HIPK2: variants seen among roughly 807,000 people sequenced by gnomAD.
HIPK2 encodes the protein homeodomain interacting protein kinase 2.
HIPK2 carries 27 observed loss-of-function variants against 113.7 expected under a neutral mutation model. The observed-to-expected ratio is 0.24, with a 90% CI of 0.17 to 0.33. The LOEUF (loss-of-function observed/expected upper bound fraction) is 0.33. HIPK2 is among the 10% of genes least tolerant of loss of function. HIPK2 has a pLI of 1.00. For missense variants in HIPK2, 1,257 were observed against 1,588.0 expected (o/e 0.79, Z 3.54); for synonymous variants, 631 against 642.2 (o/e 0.98, Z 0.26).
intron 1 of HIPK2, among the ~76,000 whole-genome samples, chr7:139,759,943 TAGAG>T (rs1181177845): frequency 6.6e-6 from 1 of 152,084 alleles, no homozygotes; most frequent in African/African-American, 2.4e-5. Flanking sequence ...AAAAGAAATG[TAGAG>T]AGAATGATTT....
intron 5 of HIPK2, among the ~76,000 whole-genome samples, chr7:139,627,599 C>G (rs1261597746): frequency 1.3e-5 from 2 of 152,122 alleles, no homozygotes; most frequent in Non-Finnish European, 2.9e-5. Context: ...GTCTGGAAAC[C>G]AATTTCAGTT....
In HIPK2 at chr7:139,567,987, TCTC is replaced by T. The variant is rs1798145083; in HGVS notation, c.*4937_*4939del. The T allele has an allele frequency of 6.6e-6, 1 of 152,214 alleles. No homozygotes were observed. Among genetic ancestry groups the T allele is most frequent in the Non-Finnish European group, 1.5e-5 (1 of 68,136 alleles). 9.4% of individuals were successfully genotyped at this position (152,214 alleles called of 1,614,324 possible). A position where few individuals can be genotyped will look rare whatever the true frequency, so the allele number is the denominator to read the frequency against. The stretch of plus-strand genomic sequence containing the variant: ...AGTAATACTTCCCGAAGCCTCCTCA[TCTC>T]CTCCCTCCAGTTTCCAAGAAAGTTT... On this transcript the variant is annotated 3_prime_UTR_variant, in exon 15 of 15. Transcript: ENST00000406875.
At chr7:139,738,676 T>G (rs1162020854) in intron 1 of HIPK2, among the ~76,000 whole-genome samples, 1 of 152,084 alleles carries the variant, frequency 6.6e-6, no homozygotes, top group Non-Finnish European at 1.5e-5. Flanking sequence ...TGGGGTGAAG[T>G]GATAACAGGA....
intron 2 of HIPK2, among the ~76,000 whole-genome samples, chr7:139,674,546 G>A (rs1475624211): frequency 1.2e-5 from 1 of 83,766 alleles, no homozygotes. Flanking sequence ...ATGGGAAGCA[G>A]ACAGGCTACG....
chr7:139,717,071 C>T, intron 1 of HIPK2, 56 bp from the exon 2 acceptor site: 2 of 1,545,454 alleles, frequency 1.3e-6, no homozygotes, highest in Non-Finnish European at 1.8e-6. Context: ...TACAAGTAAA[C>T]TCAACAGATC....
intron 13 of HIPK2, chr7:139,583,605 C>T (rs1585237028): frequency 3.2e-6 from 2 of 631,578 alleles, no homozygotes; most frequent in East Asian, 5.7e-5. Context: ...GTATTGATTA[C>T]AGGATTAAAG....
rs541249373 is a variant in HIPK2 at position 139,748,975 on chromosome 7, C to T, written c.19+28630G>A. On this transcript the variant is annotated intron_variant, in intron 1 of 14. Transcript: ENST00000406875. ...CACATGAGGCTATTTCCATGATACA[C>T]CAAGTCATTCAAGCCCACTATCCTC... 1.3e-4 allele frequency among the ~76,000 whole-genome samples: 20 copies of T among 152,338 alleles called. No individual in the cohort carries two copies. The South Asian group carries it at 3.9e-3, about 30-fold the overall frequency.
chr7:139,641,880 G>A (rs142902066), intron 2 of HIPK2, among the ~76,000 whole-genome samples: 23 of 152,324 alleles, frequency 1.5e-4, no homozygotes, highest in Middle Eastern at 3.4e-3. Context: ...GCGCACAGGC[G>A]GAGCTGTGCA....
chr7:139,680,024 G>T (rs1159245240), intron 2 of HIPK2, among the ~76,000 whole-genome samples: 1 of 152,196 alleles, frequency 6.6e-6, no homozygotes, highest in African/African-American at 2.4e-5. Flanking sequence ...GGAATAGCGT[G>T]TGCAGGATAC....
chr7:139,704,542 C>T (rs1355172002), intron 2 of HIPK2, among the ~76,000 whole-genome samples: 1 of 151,906 alleles, frequency 6.6e-6, no homozygotes. Flanking sequence ...ACACCCCATA[C>T]ACACAGCAAC....
intron 1 of HIPK2, among the ~76,000 whole-genome samples, chr7:139,769,183 C>T (rs894233674): frequency 6.6e-6 from 1 of 152,038 alleles, no homozygotes. Flanking sequence ...CCAGGCAAGC[C>T]GACAAGTGCT....
intron 2 of HIPK2, among the ~76,000 whole-genome samples, chr7:139,699,836 G>A (rs965969533): frequency 2.6e-5 from 4 of 152,172 alleles, no homozygotes; most frequent in Admixed American, 6.5e-5. Context: ...AGGGGTGTGC[G>A]GAGTGAATGC....
chr7:139,721,433 C>T (rs1354469129), intron 1 of HIPK2, among the ~76,000 whole-genome samples: 1 of 152,104 alleles, frequency 6.6e-6, no homozygotes, highest in Non-Finnish European at 1.5e-5. Flanking sequence ...GAGTTGAGCC[C>T]ACAACGTATT....
rs1403688388 is a variant in HIPK2, at chr7:139,571,526, C to A, written c.*1401G>T. The A allele has an allele frequency of 6.6e-6, 1 of 152,270 alleles. No individual in the cohort carries two copies. Among genetic ancestry groups the A allele is most frequent in the African/African-American group, 2.4e-5 (1 of 41,456 alleles). The allele number at this position is 152,270 out of a possible 1,614,324, so 9.4% of individuals were successfully genotyped here. ...CGCCGTCCCCATCTCCAGACGCACCCGCCGGGCATCTGTCTCCCATATTTC... is the reference window on the plus strand; with the variant it reads ...CGCCGTCCCCATCTCCAGACGCACCAGCCGGGCATCTGTCTCCCATATTTC... On this transcript the variant is annotated 3_prime_UTR_variant, in exon 15 of 15. Coordinates refer to ENST00000406875, the MANE Select transcript of HIPK2 (RefSeq NM_022740.5).
chr7:139,588,914 G>C (rs1252535321), intron 12 of HIPK2, among the ~76,000 whole-genome samples: 1 of 152,236 alleles, frequency 6.6e-6, no homozygotes, highest in South Asian at 2.1e-4. Flanking sequence ...GAGGGGAGGT[G>C]AGGAGATGGC....
At chr7:139,646,797 G>C (rs895990942) in intron 2 of HIPK2, among the ~76,000 whole-genome samples, 14 of 152,250 alleles carry the variant, frequency 9.2e-5, no homozygotes, top group Middle Eastern at 3.4e-3. Context: ...AGGGAAGAAA[G>C]GAAGGCAGGA....
In HIPK2 at chr7:139,565,725, T is replaced by C. The variant is rs1798070768; in HGVS notation, c.*7202A>G. ...ACTTCTTTTTTTTTTTCTTTTTTTT[T>C]TCTTTTTTTTAACAGAAAGAAAAAA... On this transcript the variant is annotated 3_prime_UTR_variant, in exon 15 of 15. Coordinates refer to ENST00000406875, the MANE Select transcript of HIPK2 (RefSeq NM_022740.5). The C allele has an allele frequency of 6.6e-6, 1 of 151,666 alleles. No homozygotes were observed. Among genetic ancestry groups the C allele is most frequent in the South Asian group, 2.1e-4 (1 of 4,814 alleles). 9.4% of individuals were successfully genotyped at this position (151,666 alleles called of 1,614,324 possible). A position where few individuals can be genotyped will look rare whatever the true frequency, so the allele number is the denominator to read the frequency against.
At chr7:139,738,420 T>C (rs1278999495) in intron 1 of HIPK2, among the ~76,000 whole-genome samples, 1 of 152,252 alleles carries the variant, frequency 6.6e-6, no homozygotes, top group Non-Finnish European at 1.5e-5. Flanking sequence ...CCCTTGAAAA[T>C]GTGGCTGGTG....
At chr7:139,718,721 T>A (rs1370520566) in intron 1 of HIPK2, among the ~76,000 whole-genome samples, 1 of 152,244 alleles carries the variant, frequency 6.6e-6, no homozygotes, top group East Asian at 1.9e-4. Context: ...TTAATATGGC[T>A]GTCCAAATGA....
Sources: gnomAD v4.1 joint callset for allele counts (sites outside exome capture counted in the v4.1 genomes callset) on GRCh38, gnomAD v4.1.1 for gene constraint, MANE v1.5 for transcripts, NCBI Gene and HGNC (gene_info 2026-07-23, HGNC 2026-07-21) for gene names.